Variants in CCDC88C observed in about 807,000 individuals in gnomAD.
CCDC88C encodes protein Daple.
In CCDC88C, 131 loss-of-function variants were observed where a neutral mutation model predicts 198.8. The observed-to-expected ratio is 0.66, with a 90% CI of 0.57 to 0.76. The LOEUF is 0.76. Ranked by LOEUF, CCDC88C falls within the 30% of genes least tolerant of loss-of-function variation. CCDC88C has a pLI of 0.00. For missense variants in CCDC88C, 2,553 were observed against 2,631.6 expected, an observed-to-expected ratio of 0.97 and a Z score of 0.65; for synonymous variants, 1,166 against 1,114.7, an observed-to-expected ratio of 1.05 and a Z score of -0.92.
chr14:91,312,611 G>C (rs1312176080), intron 15 of CCDC88C, among the ~76,000 whole-genome samples: 1 of 152,172 alleles, frequency 6.6e-6, no homozygotes, highest in Non-Finnish European at 1.5e-5. Flanking sequence ...CTTGAATCTG[G>C]GAGGCAGAGG....
chr14:91,352,099 AC>A lies in CCDC88C; in HGVS notation c.340+7542del, dbSNP rs985426361. Among the ~76,000 whole-genome samples the A allele has an allele frequency of 5.9e-5, 9 of 152,302 alleles. No individual in the cohort carries two copies. In the South Asian group the frequency reaches 8.3e-4, roughly 14 times the overall value. On this transcript the variant is annotated intron_variant, in intron 4 of 29. Transcript: ENST00000389857. The surrounding 1 kb of genome is among the most constrained non-coding windows in gnomAD (Gnocchi z 4.2). The stretch of plus-strand genomic sequence containing the variant: ...TGGGAAAGGGTCCCTCCCAACCACC[AC>A]GTGGAAAACTCAAACATAAAGACCT...
chr14:91,281,607 C>T lies in CCDC88C; in HGVS notation c.4631-82G>A, dbSNP rs1192799406. ...GAACCCCGCCACCTCGCCTGGCACC[C>T]GGATCCCAGTAGCTCCAGCTCTTGG... is the stretch of plus-strand genomic sequence containing the variant. On this transcript the variant is annotated intron_variant, in intron 26 of 29. Transcript: ENST00000389857. The T allele has an allele frequency of 3.4e-5, 41 of 1,215,020 alleles. 2 individuals are homozygous for T. The South Asian group carries it at 4.7e-4, about 14-fold the overall frequency. 75.3% of individuals were successfully genotyped at this position (1,215,020 alleles called of 1,614,324 possible).
At chr14:91,351,937 C>A (rs1048287476) in intron 4 of CCDC88C, among the ~76,000 whole-genome samples, 1 of 152,194 alleles carries the variant, frequency 6.6e-6, no homozygotes, top group African/African-American at 2.4e-5. Context: ...GCCACGCCTG[C>A]AGAAGCTGAG....
chr14:91,417,696 G>A lies in CCDC88C; in HGVS notation c.-6C>T. 1 of 1,517,002 alleles carries A rather than the reference G, an allele frequency of 6.6e-7. No homozygotes were observed. Among genetic ancestry groups the A allele is most frequent in the Non-Finnish European group, 8.8e-7 (1 of 1,135,540 alleles). 94.0% of individuals were successfully genotyped at this position (1,517,002 alleles called of 1,614,324 possible). The stretch of plus-strand genomic sequence containing the variant: ...TCCGAGACTGTCACGTCCATGCTGA[G>A]GCTGCGCCCGCCGGCTCCGCGCCCC... On this transcript the variant is annotated 5_prime_UTR_variant, in exon 1 of 30. Transcript: ENST00000389857.
At chr14:91,301,131 C>T (rs541881639) in intron 20 of CCDC88C, among the ~76,000 whole-genome samples, 1 of 152,034 alleles carries the variant, frequency 6.6e-6, no homozygotes, top group East Asian at 1.9e-4. Flanking sequence ...CACTGAATCC[C>T]CGTGTGAGGA....
rs552425143 is a variant in CCDC88C, at chr14:91,393,515, T to C, written c.270+15144A>G. 4.5e-4 allele frequency among the ~76,000 whole-genome samples: 68 copies of C among 152,292 alleles called. No individual in the cohort carries two copies. The South Asian group carries it at 0.014, about 32-fold the overall frequency. On this transcript the variant is annotated intron_variant, in intron 3 of 29. Transcript: ENST00000389857. Reference sequence around the variant, plus strand: ...GCTTCCTCTGAAGGTCTGGACTACCTGTTTTGGATTAACTGCCCCAGGTGG... The same window carrying C: ...GCTTCCTCTGAAGGTCTGGACTACCCGTTTTGGATTAACTGCCCCAGGTGG...
intron 16 of CCDC88C, among the ~76,000 whole-genome samples, chr14:91,309,541 T>G (rs1392108699): frequency 2.9e-5 from 4 of 138,526 alleles, no homozygotes; most frequent in Non-Finnish European, 6.1e-5. Context: ...ACCCGGGAGG[T>G]GGACATGGAG....
intron 20 of CCDC88C, among the ~76,000 whole-genome samples, chr14:91,301,938 G>A (rs1046886530): frequency 6.6e-6 from 1 of 152,156 alleles, no homozygotes; most frequent in Non-Finnish European, 1.5e-5. Flanking sequence ...AGATGGGTGG[G>A]GGAAGACGAG....
At chr14:91,410,500 T>C (rs1886741008) in intron 2 of CCDC88C, among the ~76,000 whole-genome samples, 1 of 152,176 alleles carries the variant, frequency 6.6e-6, no homozygotes, top group South Asian at 2.1e-4. Context: ...AGTACAGTGA[T>C]GGAGTGTGGC....
At chr14:91,355,821 C>G (rs539345644) in intron 4 of CCDC88C, among the ~76,000 whole-genome samples, 10 of 152,140 alleles carry the variant, frequency 6.6e-5, no homozygotes, top group African/African-American at 2.4e-4. Context: ...GGGACAAATG[C>G]GTAGACTCTC....
At chr14:91,349,032 T>A (rs1354466255) in intron 4 of CCDC88C, among the ~76,000 whole-genome samples, 1 of 152,232 alleles carries the variant, frequency 6.6e-6, no homozygotes, top group Admixed American at 6.5e-5. Flanking sequence ...AAAACCGCTA[T>A]TTCCATAAAT....
At chr14:91,408,325 A>AG (rs1235384888) in intron 3 of CCDC88C, 1 of 273,584 alleles carries the variant, frequency 3.7e-6, no homozygotes, top group Admixed American at 4.7e-5. Flanking sequence ...TAACCACCTC[A>AG]GGGTCACCTT....
At chr14:91,323,153 G>C (rs546966866) in intron 12 of CCDC88C, among the ~76,000 whole-genome samples, 3 of 152,144 alleles carry the variant, frequency 2.0e-5, no homozygotes, top group South Asian at 2.1e-4. Context: ...TGATCTGCCC[G>C]CCTTAATCTC....
rs1596041016 is a variant in CCDC88C at position 91,299,827 on chromosome 14, G to T, written c.3779+100C>A. On this transcript the variant is annotated intron_variant, in intron 21 of 29. Coordinates refer to ENST00000389857, the MANE Select transcript of CCDC88C (RefSeq NM_001080414.4). ...CACACAGCAAGGGATAAAAATCCAC[G>T]ATCGCCAGGGGACTTGAACTTCTCA... The T allele has an allele frequency of 3.6e-6, 5 of 1,383,638 alleles. No individual in the cohort carries two copies. The East Asian group carries it at 1.0e-4, about 28-fold the overall frequency. 85.7% of individuals were successfully genotyped at this position (1,383,638 alleles called of 1,614,324 possible). A position where few individuals can be genotyped will look rare whatever the true frequency, so the allele number is the denominator to read the frequency against.
At chr14:91,320,024 CA>C (rs61102058) in intron 13 of CCDC88C, among the ~76,000 whole-genome samples, 3,682 of 24,126 alleles carry the variant, frequency 0.15, 109 homozygotes, top group South Asian at 0.3. Flanking sequence ...AACTCAGTCT[CA>C]AAAAAAAAAA....
intron 16 of CCDC88C, 28 bp downstream of exon 16, chr14:91,309,831 G>T: frequency 1.9e-6 from 3 of 1,593,732 alleles, no homozygotes; most frequent in Non-Finnish European, 2.6e-6. Context: ...GTGCTCCCAC[G>T]ATGGGGAGAG....
intron 3 of CCDC88C, among the ~76,000 whole-genome samples, chr14:91,396,954 C>T (rs939009120): frequency 2.0e-4 from 30 of 151,552 alleles, no homozygotes; most frequent in African/African-American, 7.0e-4. Context: ...TGCAGTAAGC[C>T]GTGATCGCAC....
intron 20 of CCDC88C, among the ~76,000 whole-genome samples, chr14:91,300,325 G>A (rs1019676079): frequency 6.6e-6 from 1 of 152,194 alleles, no homozygotes; most frequent in East Asian, 1.9e-4. Flanking sequence ...GTCCCTCCAT[G>A]CCCTGATAAA....
chr14:91,347,805 A>T (rs572042835), intron 4 of CCDC88C, among the ~76,000 whole-genome samples: 1 of 152,266 alleles, frequency 6.6e-6, no homozygotes, highest in East Asian at 1.9e-4. Context: ...AACTAGAAAT[A>T]CCATTTGACC....
Sources: gnomAD v4.1 joint callset for allele counts (sites outside exome capture counted in the v4.1 genomes callset) on GRCh38, gnomAD v4.1.1 for gene constraint, Gnocchi (gnomAD v3.1) non-coding constraint, MANE v1.5 for transcripts, NCBI Gene and HGNC (gene_info 2026-07-23, HGNC 2026-07-21) for gene names.